SMYD3: variants seen among roughly 807,000 people sequenced by gnomAD.
SMYD3 encodes SET and MYND domain containing 3.
SMYD3 carries 36 observed loss-of-function variants against 57.7 expected under a neutral mutation model. The observed-to-expected ratio is 0.62, with a 90% CI of 0.48 to 0.82. SMYD3 has a LOEUF of 0.82. Among genes scored for constraint, SMYD3 ranks in the 40% least tolerant of loss-of-function variants. SMYD3 has a pLI of 0.00. For synonymous variants in SMYD3, 211 were observed against 195.0 expected (o/e 1.08, Z -0.68); for missense variants, 515 against 538.8 (o/e 0.96, Z 0.44).
intron 1 of SMYD3, among the ~76,000 whole-genome samples, chr1:246,487,479 T>A (rs1317310398): frequency 6.6e-6 from 1 of 151,404 alleles, no homozygotes; most frequent in Non-Finnish European, 1.5e-5. Context: ...AAAGTTAAAA[T>A]ACAAGGTGGT....
At chr1:246,081,985 C>T (rs1283891250) in intron 5 of SMYD3, among the ~76,000 whole-genome samples, 2 of 152,190 alleles carry the variant, frequency 1.3e-5, no homozygotes, top group Non-Finnish European at 2.9e-5. Flanking sequence ...TCTGAAACCA[C>T]GTTTGCCAAG....
chr1:246,115,119 G>A (rs969142136), intron 5 of SMYD3, among the ~76,000 whole-genome samples: 1 of 152,034 alleles, frequency 6.6e-6, no homozygotes, highest in East Asian at 1.9e-4. Flanking sequence ...TACCAGAGAG[G>A]AAAGAAGTGT....
At chr1:245,802,721 C>G (rs938009522) in intron 10 of SMYD3, among the ~76,000 whole-genome samples, 2 of 152,104 alleles carry the variant, frequency 1.3e-5, no homozygotes, top group African/African-American at 4.8e-5. Flanking sequence ...TCTTTTAAAA[C>G]AACAAAAGTC....
chr1:245,766,349 G>A (rs1056481939), intron 10 of SMYD3, among the ~76,000 whole-genome samples: 2 of 146,718 alleles, frequency 1.4e-5, no homozygotes, highest in South Asian at 2.2e-4. Context: ...GCAGTGAGCC[G>A]AGATTGCAGC....
chr1:245,861,506 T>TA (rs1291015915), intron 9 of SMYD3, among the ~76,000 whole-genome samples: 2 of 152,302 alleles, frequency 1.3e-5, no homozygotes, highest in East Asian at 3.9e-4. Flanking sequence ...CTCTACTGCT[T>TA]AAAAAATCAT....
intron 5 of SMYD3, among the ~76,000 whole-genome samples, chr1:246,210,146 C>A (rs1174499992): frequency 1.3e-5 from 2 of 152,140 alleles, no homozygotes; most frequent in Non-Finnish European, 2.9e-5. Flanking sequence ...ACAGACCTCA[C>A]CAAGTGTGGG....
At chr1:246,408,804 G>A (rs777500240) in intron 1 of SMYD3, among the ~76,000 whole-genome samples, 1 of 151,354 alleles carries the variant, frequency 6.6e-6, no homozygotes, top group East Asian at 2.0e-4. Flanking sequence ...TGAGTAGCTG[G>A]AATTACAGGT....
intron 5 of SMYD3, among the ~76,000 whole-genome samples, chr1:246,282,318 A>C (rs1247956989): frequency 9.5e-5 from 5 of 52,742 alleles, no homozygotes; most frequent in Non-Finnish European, 2.0e-4. Flanking sequence ...AAAAAAAAAA[A>C]AAAAAAAAAA....
intron 1 of SMYD3, among the ~76,000 whole-genome samples, chr1:246,372,079 T>C (rs1016554057): frequency 1.3e-5 from 2 of 152,230 alleles, no homozygotes; most frequent in African/African-American, 4.8e-5. Context: ...AGTTCCTAAG[T>C]AAAGAAACCT....
intron 10 of SMYD3, among the ~76,000 whole-genome samples, chr1:245,854,758 G>A (rs2051148584): frequency 6.6e-6 from 1 of 152,126 alleles, no homozygotes; most frequent in South Asian, 2.1e-4. Flanking sequence ...GAAAAACGCA[G>A]AAGTGCAGGA....
rs149182703 is a variant in SMYD3, at chr1:246,327,276, T to C, written c.456A>G (p.Gln152=). 1.3e-5 allele frequency: 21 copies of C among 1,614,160 alleles called. No individual in the cohort carries two copies. The highest frequency in any genetic ancestry group is 2.2e-5 in the South Asian group (2 of 91,088). The change falls in exon 5 of 12, where the codon CAA becomes CAG. Residue 152 remains glutamine, a synonymous_variant. Transcript: ENST00000490107. ...CCTGTATTTCTTCTCTCATGAAATG[T>C]TGAAATGTCATTACGAGTTGCCTGA... is the stretch of plus-strand genomic sequence containing the variant. ...EGLRQLVMTF[Q]HFMREEIQDA...
At chr1:245,780,757 C>T (rs2148136538) in intron 10 of SMYD3, among the ~76,000 whole-genome samples, 1 of 152,230 alleles carries the variant, frequency 6.6e-6, no homozygotes, top group South Asian at 2.1e-4. Flanking sequence ...AATCAATCTA[C>T]TTATGAGAAA....
intron 5 of SMYD3, among the ~76,000 whole-genome samples, chr1:246,051,533 A>G (rs930990091): frequency 2.0e-5 from 3 of 152,196 alleles, no homozygotes; most frequent in African/African-American, 7.2e-5. Flanking sequence ...TAATGTAACT[A>G]AGACTAACAT....
chr1:246,031,737 G>GAAA (rs66497634), intron 5 of SMYD3, among the ~76,000 whole-genome samples: 8,587 of 136,674 alleles, frequency 0.063, 344 homozygotes, highest in Non-Finnish European at 0.072. Flanking sequence ...ACTTTGTCTC[G>GAAA]AAAAAAAAAA....
intron 8 of SMYD3, among the ~76,000 whole-genome samples, chr1:245,870,912 T>C (rs758144447): frequency 1.3e-5 from 2 of 152,180 alleles, no homozygotes; most frequent in Non-Finnish European, 2.9e-5. Flanking sequence ...AAGCGTTTGA[T>C]GTTGAAACTC....
At chr1:246,185,196 C>T (rs1416514188) in intron 5 of SMYD3, among the ~76,000 whole-genome samples, 1 of 152,208 alleles carries the variant, frequency 6.6e-6, no homozygotes, top group Non-Finnish European at 1.5e-5. Flanking sequence ...GCTCACCCTT[C>T]CTTTACTCAC....
intron 5 of SMYD3, among the ~76,000 whole-genome samples, chr1:246,098,281 A>G (rs1275188418): frequency 6.6e-6 from 1 of 152,196 alleles, no homozygotes; most frequent in Admixed American, 6.5e-5. Flanking sequence ...TATTTCAAAT[A>G]TTCGGTCCCT....
chr1:246,309,154 T>TA (rs753760056), intron 5 of SMYD3, among the ~76,000 whole-genome samples: 15 of 151,854 alleles, frequency 9.9e-5, no homozygotes, highest in South Asian at 2.1e-4. Context: ...CTAGCAATAC[T>TA]AAAAAAAAGT....
At chr1:246,118,263 T>C (rs1173383632) in intron 5 of SMYD3, among the ~76,000 whole-genome samples, 1 of 152,216 alleles carries the variant, frequency 6.6e-6, no homozygotes, top group Non-Finnish European at 1.5e-5. Flanking sequence ...TCATAAATGA[T>C]ACCTTTAAGG....
Sources: allele counts gnomAD v4.1 joint callset (sites outside exome capture counted in the v4.1 genomes callset), GRCh38; gene constraint gnomAD v4.1.1; transcripts MANE v1.5; gene names NCBI Gene and HGNC (gene_info 2026-07-23, HGNC 2026-07-21).